The following IGF1 variants were observed in gnomAD, a reference collection of about 807,000 sequenced individuals.
IGF1 encodes the protein insulin-like growth factor 1.
Under a neutral mutation model 13.8 loss-of-function variants are expected in IGF1, and 4 were observed. That is an observed-to-expected ratio of 0.29 (90% CI 0.14 to 0.66). IGF1 has a LOEUF of 0.66. IGF1 is among the 30% of genes least tolerant of loss of function. The pLI is 0.78. For synonymous variants in IGF1, 76 were observed against 72.6 expected, an observed-to-expected ratio of 1.05 and a Z score of -0.23; for missense variants, 124 against 188.5, an observed-to-expected ratio of 0.66 and a Z score of 2.00.
rs1227289945 is a variant in IGF1 at position 102,397,086 on chromosome 12, C to T, written c.*5421G>A. On this transcript the variant is annotated 3_prime_UTR_variant, in exon 4 of 4. Transcript: ENST00000337514. ...GCATAGTGGTGGGTGCCTGTAATCC[C>T]AGCTACTCAGGAGGCTGAGGCAGGA... 2 of 347,510 alleles carry T rather than the reference C, an allele frequency of 5.8e-6. No homozygotes were observed. Among genetic ancestry groups the T allele is most frequent in the Non-Finnish European group, 1.0e-5 (2 of 194,798 alleles). 21.5% of individuals were successfully genotyped at this position (347,510 alleles called of 1,614,324 possible). A position where few individuals can be genotyped will look rare whatever the true frequency, so the allele number is the denominator to read the frequency against.
At chr12:102,419,769 C>G (rs1875533526) in intron 2 of IGF1, 79 bp from the exon 3 acceptor site, 3 of 1,397,692 alleles carry the variant, frequency 2.1e-6, no homozygotes, top group Non-Finnish European at 3.0e-6. Context: ...CCTGCCTCTC[C>G]CCACAGCTAG....
intron 3 of IGF1, among the ~76,000 whole-genome samples, chr12:102,413,967 T>C (rs369172165): frequency 7.2e-5 from 11 of 152,272 alleles, no homozygotes; most frequent in African/African-American, 2.4e-4. Context: ...TACTACCACA[T>C]CATGGAAAAG....
intron 1 of IGF1, 118 bp downstream of exon 1, chr12:102,480,201 T>C: frequency 3.1e-6 from 3 of 969,178 alleles, no homozygotes; most frequent in Non-Finnish European, 3.2e-6. Flanking sequence ...AATTTATAAA[T>C]AACTCTCGGT....
intron 2 of IGF1, among the ~76,000 whole-genome samples, chr12:102,469,724 A>C (rs1259551141): frequency 6.6e-6 from 1 of 152,076 alleles, no homozygotes; most frequent in Non-Finnish European, 1.5e-5. Flanking sequence ...CACTTCTTGG[A>C]GGCAAGAGAA....
intron 1 of IGF1, chr12:102,478,762 A>G: frequency 1.3e-6 from 1 of 757,860 alleles, no homozygotes. Context: ...TTTCCATTGT[A>G]TGCCTATTGT....
At chr12:102,481,703 C>T (rs1012447839), upstream of IGF1, 1 of 151,972 alleles carries the variant, frequency 6.6e-6, no homozygotes, top group Non-Finnish European at 1.5e-5. Context: ...GCAGACATAC[C>T]TCTTTCCCTA....
chr12:102,454,896 G>A (rs1482774276), intron 2 of IGF1, among the ~76,000 whole-genome samples: 9 of 152,206 alleles, frequency 5.9e-5, no homozygotes, highest in Non-Finnish European at 1.3e-4. Context: ...ATCACAATGC[G>A]TTAGTGTCCA....
rs370706560 is a variant in IGF1, at chr12:102,450,551, G to A, written c.220+25092C>T. ...TTCCAGATTTTTCAATCTCTTCTTCGCCTTCCATCTGAAGGCTAAGGCCTT... is the reference window on the plus strand; with the variant it reads ...TTCCAGATTTTTCAATCTCTTCTTCACCTTCCATCTGAAGGCTAAGGCCTT... On this transcript the variant is annotated intron_variant, in intron 2 of 3. Transcript: ENST00000337514. 1.2e-4 allele frequency among the ~76,000 whole-genome samples: 18 copies of A among 152,204 alleles called. 1 individual carries two copies. Among genetic ancestry groups the A allele is most frequent in the Middle Eastern group, 3.4e-3 (1 of 294 alleles).
intron 3 of IGF1, among the ~76,000 whole-genome samples, chr12:102,418,518 A>G (rs1875371428): frequency 6.6e-6 from 1 of 152,242 alleles, no homozygotes; most frequent in South Asian, 2.1e-4. Flanking sequence ...GCACAATATT[A>G]TTAGTTCTAG....
At chr12:102,475,565 C>T (rs1433822548) in intron 2 of IGF1, 78 bp downstream of exon 2, 3 of 1,531,364 alleles carry the variant, frequency 2.0e-6, no homozygotes, top group Non-Finnish European at 2.7e-6. Flanking sequence ...CAGTTATTCA[C>T]ACACTCCCTG....
At chr12:102,422,895 C>T (rs1381325000) in intron 2 of IGF1, among the ~76,000 whole-genome samples, 3 of 152,076 alleles carry the variant, frequency 2.0e-5, no homozygotes, top group Admixed American at 2.0e-4. Context: ...GAAAAGCATT[C>T]CTAACAATTT....
rs1873138356 is a variant in IGF1, at chr12:102,395,883, C to T, written c.*6624G>A. On this transcript the variant is annotated 3_prime_UTR_variant, in exon 4 of 4. Transcript: ENST00000337514. ...TATCCAAAAGAACTAATTAATCAAA[C>T]ATGACTAATTTTAATGTAATTACTA... 1 of 152,092 alleles carries T rather than the reference C, an allele frequency of 6.6e-6. No homozygotes were observed. Among genetic ancestry groups the T allele is most frequent in the Non-Finnish European group, 1.5e-5 (1 of 68,002 alleles). 9.4% of individuals were successfully genotyped at this position (152,092 alleles called of 1,614,324 possible).
chr12:102,445,688 A>G (rs1048546653), intron 2 of IGF1, among the ~76,000 whole-genome samples: 1 of 152,214 alleles, frequency 6.6e-6, no homozygotes, highest in African/African-American at 2.4e-5. Context: ...GCAAACAGAG[A>G]CAATTTGACT....
intron 3 of IGF1, among the ~76,000 whole-genome samples, chr12:102,407,538 G>A (rs905746771): frequency 2.0e-5 from 3 of 152,234 alleles, no homozygotes; most frequent in African/African-American, 7.2e-5. Context: ...TGATGGAGAT[G>A]TAATAGTGGT....
At chr12:102,448,658 G>A (rs1371477453) in intron 2 of IGF1, among the ~76,000 whole-genome samples, 1 of 133,300 alleles carries the variant, frequency 7.5e-6, no homozygotes, top group African/African-American at 2.8e-5. Flanking sequence ...CTTGCACAAT[G>A]TGCACATGTA....
chr12:102,400,083 C>T lies in IGF1; in HGVS notation c.*2424G>A, dbSNP rs1278019683. On this transcript the variant is annotated 3_prime_UTR_variant, in exon 4 of 4. Transcript: ENST00000337514. ...TGTTGACTGAACAGGATTGCTGGCT[C>T]CACTAAATGGGGCCTTCTTTTTGCA... is the stretch of plus-strand genomic sequence containing the variant. The T allele has an allele frequency of 6.6e-6, 1 of 151,252 alleles. No homozygotes were observed. The highest frequency in any genetic ancestry group is 2.4e-5 in the African/African-American group (1 of 41,158). 9.4% of individuals were successfully genotyped at this position (151,252 alleles called of 1,614,324 possible).
intron 2 of IGF1, among the ~76,000 whole-genome samples, chr12:102,444,411 G>C (rs1455328110): frequency 1.3e-5 from 2 of 151,984 alleles, no homozygotes; most frequent in Non-Finnish European, 2.9e-5. Context: ...CAACAGGAGA[G>C]TTAGGATCAG....
At chr12:102,415,591 C>G (rs1376157866) in intron 3 of IGF1, 1 of 147,726 alleles carries the variant, frequency 6.8e-6, no homozygotes, top group African/African-American at 2.5e-5. Context: ...TCCTTCCTTC[C>G]TTCCTTCCCT....
At chr12:102,456,779 T>A (rs903795828) in intron 2 of IGF1, among the ~76,000 whole-genome samples, 3 of 152,084 alleles carry the variant, frequency 2.0e-5, no homozygotes, top group African/African-American at 7.2e-5. Flanking sequence ...TCCACAGAAA[T>A]CATACATGAC....
Sources: allele counts gnomAD v4.1 joint callset (sites outside exome capture counted in the v4.1 genomes callset), GRCh38; gene constraint gnomAD v4.1.1; transcripts MANE v1.5; gene names NCBI Gene and HGNC (gene_info 2026-07-23, HGNC 2026-07-21).